Variants in PDE4B observed in about 807,000 individuals in gnomAD.
PDE4B encodes phosphodiesterase 4B, also known as 3',5'-cyclic-AMP phosphodiesterase 4B.
Under a neutral mutation model 82.2 loss-of-function variants are expected in PDE4B, and 20 were observed. The observed-to-expected ratio is 0.24, with a 90% confidence interval of 0.17 to 0.35. PDE4B has a LOEUF of 0.35. Ranked by LOEUF, PDE4B falls within the 10% of genes least tolerant of loss-of-function variation. PDE4B has a pLI of 1.00. For missense variants in PDE4B, 655 were observed against 907.2 expected (o/e 0.72, Z 3.57); for synonymous variants, 320 against 318.9 (o/e 1.00, Z -0.04).
chr1:66,301,375 T>C (rs1657886218), intron 7 of PDE4B, among the ~76,000 whole-genome samples: 1 of 152,060 alleles, frequency 6.6e-6, no homozygotes, highest in South Asian at 2.1e-4. Context: ...CCGTTTTCAC[T>C]TTCATTTTGT....
At chr1:66,163,817 C>G (rs1416403310) in intron 3 of PDE4B, among the ~76,000 whole-genome samples, 1 of 151,934 alleles carries the variant, frequency 6.6e-6, no homozygotes, top group Non-Finnish European at 1.5e-5. Flanking sequence ...TCAGCACCAC[C>G]CTATAGAAGA....
At chr1:65,969,910 TC>T (rs1351024680) in intron 3 of PDE4B, among the ~76,000 whole-genome samples, 14 of 152,196 alleles carry the variant, frequency 9.2e-5, no homozygotes, top group African/African-American at 3.4e-4. Flanking sequence ...TAATAACAAT[TC>T]TAAGCCAGAA....
intron 1 of PDE4B, among the ~76,000 whole-genome samples, chr1:65,859,491 TC>T (rs1286181979): frequency 6.6e-6 from 1 of 152,212 alleles, no homozygotes; most frequent in African/African-American, 2.4e-5. Flanking sequence ...AACACTTCTT[TC>T]TTTTGTTTTG....
At chr1:66,103,027 T>C (rs1645258008) in intron 3 of PDE4B, among the ~76,000 whole-genome samples, 4 of 152,126 alleles carry the variant, frequency 2.6e-5, no homozygotes, top group Admixed American at 2.6e-4. Context: ...TTTATAAAAC[T>C]GATCAATTAA....
chr1:66,189,636 G>T (rs907859250), intron 3 of PDE4B, among the ~76,000 whole-genome samples: 53 of 152,078 alleles, frequency 3.5e-4, no homozygotes, highest in Non-Finnish European at 6.8e-4. Context: ...GGCTATTGAG[G>T]CTTGTGCATT....
chr1:65,999,081 TA>T (rs1421366072), intron 3 of PDE4B, among the ~76,000 whole-genome samples: 1 of 152,188 alleles, frequency 6.6e-6, no homozygotes, highest in Non-Finnish European at 1.5e-5. Context: ...CTTTGCAAAG[TA>T]ATGGTGACAA....
intron 3 of PDE4B, among the ~76,000 whole-genome samples, chr1:66,078,469 C>G (rs1411646578): frequency 6.6e-6 from 1 of 152,066 alleles, no homozygotes; most frequent in Non-Finnish European, 1.5e-5. Context: ...CTCGGTCTCC[C>G]AAAGTGCTGA....
intron 1 of PDE4B, among the ~76,000 whole-genome samples, chr1:65,836,847 T>A (rs368265868): frequency 6.6e-6 from 1 of 152,210 alleles, no homozygotes; most frequent in Non-Finnish European, 1.5e-5. Flanking sequence ...CAAAAGGGCA[T>A]GCCTGACCGT....
chr1:66,032,223 TTG>T (rs1303010974), intron 3 of PDE4B, among the ~76,000 whole-genome samples: 4 of 152,260 alleles, frequency 2.6e-5, no homozygotes, highest in African/African-American at 9.6e-5. Flanking sequence ...GTATTGTTAC[TTG>T]TGTCAGTTAA....
rs558826805 is a variant in PDE4B at position 66,338,485 on chromosome 1, T to C, written c.747+5865T>C. On this transcript the variant is annotated intron_variant, in intron 8 of 16. Coordinates refer to ENST00000341517, the MANE Select transcript of PDE4B (RefSeq NM_002600.4). The stretch of plus-strand genomic sequence containing the variant: ...CTCAGTCTTCTTGCCTGGGAAGCAG[T>C]GTAAGGGGAAAGAGCAATCGCAATT... Among the ~76,000 whole-genome samples, 18 of 152,258 alleles carry C rather than the reference T, an allele frequency of 1.2e-4. No individual in the cohort carries two copies. In the East Asian group the frequency reaches 3.5e-3, roughly 29 times the overall value.
rs967816802 is a variant in PDE4B at position 65,840,025 on chromosome 1, A to AT, written c.-71+46777_-71+46778insT. On this transcript the variant is annotated intron_variant, in intron 1 of 16. Transcript: ENST00000341517. ...ATTTGCATTGATTTTAAATATATAT[A>AT]AAAAAAATAAGCCAAGTGAAGTTAG... 4.6e-5 allele frequency among the ~76,000 whole-genome samples: 7 copies of AT among 150,678 alleles called. No individual in the cohort carries two copies. In the South Asian group the frequency reaches 6.2e-4, roughly 13 times the overall value.
chr1:65,979,091 T>C (rs973416561), intron 3 of PDE4B, among the ~76,000 whole-genome samples: 30 of 152,150 alleles, frequency 2.0e-4, no homozygotes, highest in African/African-American at 7.2e-4. Flanking sequence ...TCAAAGAACA[T>C]CTTGATTACT....
At chr1:66,179,295 T>A (rs1413646017) in intron 3 of PDE4B, among the ~76,000 whole-genome samples, 1 of 152,212 alleles carries the variant, frequency 6.6e-6, no homozygotes, top group Admixed American at 6.5e-5. Flanking sequence ...TATATAAGTG[T>A]CTGTGCATAT....
intron 3 of PDE4B, among the ~76,000 whole-genome samples, chr1:66,078,363 A>ATTATTATTATT (rs1656540067): frequency 6.6e-6 from 1 of 151,744 alleles, no homozygotes; most frequent in Non-Finnish European, 1.5e-5. Context: ...CGCCTGGCTA[A>ATTATTATTATT]TTATTATTAT....
At chr1:66,130,901 C>A (rs1287671751) in intron 3 of PDE4B, among the ~76,000 whole-genome samples, 3 of 152,158 alleles carry the variant, frequency 2.0e-5, no homozygotes, top group Admixed American at 1.3e-4. Context: ...GATTCAGATT[C>A]TATTTCTTGG....
intron 3 of PDE4B, among the ~76,000 whole-genome samples, chr1:66,077,086 C>T (rs1432682550): frequency 6.6e-6 from 1 of 151,930 alleles, no homozygotes; most frequent in African/African-American, 2.4e-5. Context: ...AATTCTTTGC[C>T]AAGGCCAACA....
chr1:65,946,511 G>A (rs1648720686), intron 3 of PDE4B, among the ~76,000 whole-genome samples: 1 of 151,956 alleles, frequency 6.6e-6, no homozygotes, highest in Admixed American at 6.6e-5. Flanking sequence ...ATCTTCAGCT[G>A]GTGAGAGCAG....
At chr1:65,828,537 C>T (rs1231915833) in intron 1 of PDE4B, among the ~76,000 whole-genome samples, 2 of 152,124 alleles carry the variant, frequency 1.3e-5, no homozygotes, top group Non-Finnish European at 2.9e-5. Context: ...TGAGCCACTG[C>T]ACCTGGTCTC....
At chr1:66,139,253 A>C (rs1452183810) in intron 3 of PDE4B, among the ~76,000 whole-genome samples, 2 of 152,180 alleles carry the variant, frequency 1.3e-5, no homozygotes, top group Non-Finnish European at 2.9e-5. Context: ...CTAAGGATGA[A>C]GTTGCTTTAA....
Sources: allele counts gnomAD v4.1 joint callset (sites outside exome capture counted in the v4.1 genomes callset), GRCh38; gene constraint gnomAD v4.1.1; transcripts MANE v1.5; gene names NCBI Gene and HGNC (gene_info 2026-07-23, HGNC 2026-07-21).